PRDM6: variants seen among roughly 807,000 people sequenced by gnomAD.
The protein encoded by PRDM6 is putative histone-lysine N-methyltransferase PRDM6.
PRDM6 carries 25 observed loss-of-function variants against 60.8 expected under a neutral mutation model. The ratio of observed to expected loss-of-function variants is 0.41; its 90% CI spans 0.30 to 0.57. The LOEUF (loss-of-function observed/expected upper bound fraction) is 0.57. Ranked by LOEUF, PRDM6 falls within the 20% of genes least tolerant of loss-of-function variation. The pLI is 0.27. For missense variants in PRDM6, 839 were observed against 821.3 expected (o/e 1.02, Z -0.26); for synonymous variants, 407 against 357.4 (o/e 1.14, Z -1.57).
chr5:123,152,528 T>G (rs1765392070), intron 3 of PRDM6, among the ~76,000 whole-genome samples: 1 of 152,250 alleles, frequency 6.6e-6, no homozygotes, highest in Admixed American at 6.5e-5. Context: ...AGAAACACTT[T>G]GCTCAGAGCC....
chr5:123,101,580 G>A (rs540818607), intron 3 of PRDM6, among the ~76,000 whole-genome samples: 2 of 152,060 alleles, frequency 1.3e-5, no homozygotes, highest in Non-Finnish European at 2.9e-5. Flanking sequence ...TAAGAAAATC[G>A]TACAGCAATT....
At chr5:123,180,552 C>T (rs1222727212) in intron 7 of PRDM6, among the ~76,000 whole-genome samples, 1 of 152,192 alleles carries the variant, frequency 6.6e-6, no homozygotes, top group Non-Finnish European at 1.5e-5. Context: ...GGTCGTGAGA[C>T]AAATCTTCTG....
At chr5:123,123,038 G>A (rs562171092) in intron 3 of PRDM6, among the ~76,000 whole-genome samples, 9 of 151,888 alleles carry the variant, frequency 5.9e-5, no homozygotes, top group Admixed American at 5.9e-4. Context: ...TATTTTATTG[G>A]TATAAATTTT....
chr5:123,170,511 G>A (rs1006931674), intron 5 of PRDM6, among the ~76,000 whole-genome samples: 2 of 152,190 alleles, frequency 1.3e-5, no homozygotes, highest in African/African-American at 4.8e-5. Flanking sequence ...GAAGTCATAA[G>A]TGAACTCCAT....
intron 3 of PRDM6, among the ~76,000 whole-genome samples, chr5:123,129,742 A>C (rs13168530): frequency 0.012 from 1,854 of 152,308 alleles, 18 homozygotes; most frequent in Middle Eastern, 0.054. Flanking sequence ...ACATTAAATA[A>C]AGGTACACTG....
chr5:123,193,380 A>T lies in PRDM6; in HGVS notation c.*6179A>T, dbSNP rs1246308512. On this transcript the variant is annotated 3_prime_UTR_variant, in exon 8 of 8. Coordinates refer to ENST00000407847, the MANE Select transcript of PRDM6 (RefSeq NM_001136239.4). ...ATCAGGTGATTGCCACATGTTGGGG[A>T]AAGCAGCCATCTTAGAGCAAAAGTC... 6.6e-6 allele frequency: 1 copy of T among 152,218 alleles called. No individual in the cohort carries two copies. The highest frequency in any genetic ancestry group is 1.5e-5 in the Non-Finnish European group (1 of 68,042). 9.4% of individuals were successfully genotyped at this position (152,218 alleles called of 1,614,324 possible).
intron 2 of PRDM6, among the ~76,000 whole-genome samples, chr5:123,093,349 T>G (rs1279029500): frequency 6.6e-6 from 1 of 152,230 alleles, no homozygotes; most frequent in African/African-American, 2.4e-5. Context: ...ATCATTGCTC[T>G]GTAAGAAAAG....
chr5:123,099,967 T>C lies in PRDM6; in HGVS notation c.900+6T>C. ...ACACGCAGCATCTCTGGGAGGTAAG[T>C]GGCCGGCTGCACAGCGCCTCCCCAC... On this transcript the variant is annotated splice_donor_region_variant and intron_variant, in intron 3 of 7. Coordinates refer to ENST00000407847, the MANE Select transcript of PRDM6 (RefSeq NM_001136239.4). This position sits in a 1 kb window ranked among gnomAD's most constrained non-coding sequence, Gnocchi z 4.0. The C allele has an allele frequency of 4.7e-6, 7 of 1,499,722 alleles. No individual in the cohort carries two copies. Among genetic ancestry groups the C allele is most frequent in the Non-Finnish European group, 6.3e-6 (7 of 1,117,082 alleles). 92.9% of individuals were successfully genotyped at this position (1,499,722 alleles called of 1,614,324 possible). A position where few individuals can be genotyped will look rare whatever the true frequency, so the allele number is the denominator to read the frequency against.
intron 2 of PRDM6, among the ~76,000 whole-genome samples, chr5:123,092,542 C>T (rs532323106): frequency 6.6e-6 from 1 of 152,086 alleles, no homozygotes; most frequent in Non-Finnish European, 1.5e-5. Context: ...GGGTATTGAA[C>T]CAGTTTATTG....
chr5:123,111,430 G>A (rs1179091346), intron 3 of PRDM6, among the ~76,000 whole-genome samples: 1 of 152,210 alleles, frequency 6.6e-6, no homozygotes, highest in African/African-American at 2.4e-5. Context: ...AGGGCGCGGT[G>A]GCTCACGTCT....
At chr5:123,097,568 G>A (rs143843983) in intron 2 of PRDM6, among the ~76,000 whole-genome samples, 1 of 152,220 alleles carries the variant, frequency 6.6e-6, no homozygotes, top group East Asian at 1.9e-4. Context: ...TCTGACACAT[G>A]GTATGCACTG....
At chr5:123,112,783 C>CTTTTTTTTTTTTTTTTTTTTTTTTTTT (rs537426568) in intron 3 of PRDM6, among the ~76,000 whole-genome samples, 4 of 47,512 alleles carry the variant, frequency 8.4e-5, no homozygotes, top group African/African-American at 2.9e-4. Context: ...TCTAATGGCT[C>CTTTTTTTTTTTTTTTTTTTTTTTTTTT]TTTTTTTTTT....
chr5:123,122,374 A>G (rs1764601290), intron 3 of PRDM6, among the ~76,000 whole-genome samples: 1 of 152,154 alleles, frequency 6.6e-6, no homozygotes, highest in South Asian at 2.1e-4. Context: ...ACCTTTTGAA[A>G]TATAATTACC....
intron 3 of PRDM6, among the ~76,000 whole-genome samples, chr5:123,117,032 G>T (rs1164454049): frequency 6.6e-6 from 1 of 152,160 alleles, no homozygotes; most frequent in African/African-American, 2.4e-5. Flanking sequence ...AGCTGGCTCT[G>T]CAGCCACTAA....
At chr5:123,156,835 G>A (rs1765511272) in intron 4 of PRDM6, among the ~76,000 whole-genome samples, 1 of 152,072 alleles carries the variant, frequency 6.6e-6, no homozygotes, top group Non-Finnish European at 1.5e-5. Context: ...AGATGAGAGG[G>A]CAAAAACAAA....
chr5:123,130,502 G>C (rs1049959177), intron 3 of PRDM6, among the ~76,000 whole-genome samples: 7 of 150,540 alleles, frequency 4.6e-5, no homozygotes, highest in African/African-American at 1.7e-4. Context: ...ATGTTTTTTG[G>C]TTAGAATCAG....
At chr5:123,166,513 C>T (rs979214066) in intron 5 of PRDM6, among the ~76,000 whole-genome samples, 3 of 151,960 alleles carry the variant, frequency 2.0e-5, no homozygotes, top group African/African-American at 4.8e-5. Flanking sequence ...TGGTGACTTA[C>T]GATTATAATG....
chr5:123,132,525 C>T (rs762508890), intron 3 of PRDM6, among the ~76,000 whole-genome samples: 47 of 152,082 alleles, frequency 3.1e-4, no homozygotes, highest in Non-Finnish European at 5.6e-4. Flanking sequence ...GCAGGTATAT[C>T]ATCCCCATAT....
At chr5:123,135,170 A>G (rs546700487) in intron 3 of PRDM6, among the ~76,000 whole-genome samples, 2 of 152,324 alleles carry the variant, frequency 1.3e-5, no homozygotes, top group Middle Eastern at 3.4e-3. Flanking sequence ...AACATATATC[A>G]AAGTATTATG....
Sources: gnomAD v4.1 joint callset for allele counts (sites outside exome capture counted in the v4.1 genomes callset) on GRCh38, gnomAD v4.1.1 for gene constraint, Gnocchi (gnomAD v3.1) non-coding constraint, MANE v1.5 for transcripts, NCBI Gene and HGNC (gene_info 2026-07-23, HGNC 2026-07-21) for gene names.